The following GBE1 variants were observed in gnomAD, a reference collection of about 807,000 sequenced individuals.
The protein encoded by GBE1 is 1,4-alpha-glucan-branching enzyme.
GBE1 carries 70 observed loss-of-function variants against 88.8 expected under a neutral mutation model. The ratio of observed to expected loss-of-function variants is 0.79; its 90% CI spans 0.65 to 0.96. GBE1 has a LOEUF of 0.96. GBE1 is among the 40% of genes least tolerant of loss of function. The pLI is 0.00. For missense variants in GBE1, 872 were observed against 871.0 expected (o/e 1.00, Z -0.01); for synonymous variants, 284 against 300.1 (o/e 0.95, Z 0.56).
rs552984569 is a variant in GBE1, at chr3:81,499,845, G to A, written c.1935-618C>T. Among the ~76,000 whole-genome samples the A allele has an allele frequency of 3.2e-4, 49 of 152,206 alleles. 3 individuals are homozygous for A. In the South Asian group the frequency reaches 7.5e-3, roughly 23 times the overall value. Reference sequence around the variant, plus strand: ...GCATATTACAGCAAAATTAATAAAAGCTATCATTATGTTCAAATTTATTAG... The same window carrying A: ...GCATATTACAGCAAAATTAATAAAAACTATCATTATGTTCAAATTTATTAG... On this transcript the variant is annotated intron_variant, in intron 14 of 15. Transcript: ENST00000429644.
chr3:81,555,202 T>G (rs1703330950), intron 12 of GBE1, among the ~76,000 whole-genome samples: 1 of 152,194 alleles, frequency 6.6e-6, no homozygotes, highest in Non-Finnish European at 1.5e-5. Context: ...AAGTTATGAA[T>G]TGGGCTATCA....
intron 2 of GBE1, among the ~76,000 whole-genome samples, chr3:81,677,306 G>A (rs1705275094): frequency 6.6e-6 from 1 of 152,080 alleles, no homozygotes; most frequent in Admixed American, 6.6e-5. Context: ...AATAGGCGAG[G>A]CTAATATACA....
rs1429131560 is a variant in GBE1, at chr3:81,698,267, C to T, written c.313+7177G>A. ...AAGAGGGAGTAATAAAGTACACACA[C>T]ACACAAAACAGTAAACATGTTATTT... On this transcript the variant is annotated intron_variant, in intron 2 of 15. Coordinates refer to ENST00000429644, the MANE Select transcript of GBE1 (RefSeq NM_000158.4). 2.0e-5 allele frequency among the ~76,000 whole-genome samples: 3 copies of T among 151,818 alleles called. No homozygotes were observed. The South Asian group carries it at 6.2e-4, about 31-fold the overall frequency.
intron 15 of GBE1, among the ~76,000 whole-genome samples, chr3:81,490,976 G>C (rs1205601361): frequency 6.6e-6 from 1 of 151,836 alleles, no homozygotes; most frequent in African/African-American, 2.4e-5. Context: ...CTAGGATTCA[G>C]ATTCTCTCCA....
At chr3:81,555,873 G>A (rs922421684) in intron 12 of GBE1, among the ~76,000 whole-genome samples, 24 of 152,012 alleles carry the variant, frequency 1.6e-4, no homozygotes, top group African/African-American at 5.3e-4. Context: ...ATTTCCTAAC[G>A]TCCCTTTATG....
intron 7 of GBE1, among the ~76,000 whole-genome samples, chr3:81,624,760 T>A (rs920524749): frequency 1.1e-4 from 17 of 152,026 alleles, no homozygotes; most frequent in African/African-American, 3.6e-4. Flanking sequence ...ACACACACAA[T>A]ACAAGAAGCA....
chr3:81,660,819 C>T (rs1309403420), intron 3 of GBE1, among the ~76,000 whole-genome samples: 1 of 151,690 alleles, frequency 6.6e-6, no homozygotes, highest in Non-Finnish European at 1.5e-5. Context: ...ATAAAAGAAC[C>T]CAGCTTAAAT....
At chr3:81,663,570 A>C (rs928868911) in intron 3 of GBE1, among the ~76,000 whole-genome samples, 1 of 152,200 alleles carries the variant, frequency 6.6e-6, no homozygotes, top group Admixed American at 6.5e-5. Context: ...CTCCAAGCCC[A>C]GATGTGATCC....
At chr3:81,761,317 A>G (rs947847174) in intron 1 of GBE1, 58 bp downstream of exon 1, 5 of 1,547,534 alleles carry the variant, frequency 3.2e-6, no homozygotes, top group Admixed American at 1.8e-5. Context: ...GTGTCCCGAG[A>G]CGGCTCCTGG....
chr3:81,584,130 G>A (rs1480141555), intron 10 of GBE1, among the ~76,000 whole-genome samples: 9 of 151,794 alleles, frequency 5.9e-5, no homozygotes, highest in Admixed American at 5.9e-4. Flanking sequence ...TAAAATGAAA[G>A]GAAATACAGC....
intron 5 of GBE1, among the ~76,000 whole-genome samples, chr3:81,647,415 GTAAA>G (rs1235064241): frequency 2.0e-5 from 3 of 151,978 alleles, no homozygotes; most frequent in Non-Finnish European, 4.4e-5. Flanking sequence ...TGCTCTAACA[GTAAA>G]TAAAGTGACT....
At chr3:81,654,577 G>A (rs1373783880) in intron 3 of GBE1, 2 of 152,062 alleles carry the variant, frequency 1.3e-5, no homozygotes, top group Non-Finnish European at 2.9e-5. Flanking sequence ...CACAGTTATT[G>A]AATCATATAA....
chr3:81,494,877 T>G (rs889247408), intron 15 of GBE1, among the ~76,000 whole-genome samples: 6 of 152,184 alleles, frequency 3.9e-5, no homozygotes, highest in Non-Finnish European at 5.9e-5. Context: ...TCAGGCAAAA[T>G]GTTATTTTCC....
chr3:81,602,335 T>G (rs1704044438), intron 7 of GBE1, among the ~76,000 whole-genome samples: 1 of 152,196 alleles, frequency 6.6e-6, no homozygotes. Flanking sequence ...GTCAACAAAA[T>G]CAGATTTTGT....
At chr3:81,750,659 G>GTGTATA (rs61309629) in intron 1 of GBE1, among the ~76,000 whole-genome samples, 13 of 35,300 alleles carry the variant, frequency 3.7e-4, no homozygotes, top group East Asian at 2.5e-3. Flanking sequence ...ATATATATAT[G>GTGTATA]TATATATATA....
chr3:81,703,706 T>A (rs941700761), intron 2 of GBE1, among the ~76,000 whole-genome samples: 2 of 152,028 alleles, frequency 1.3e-5, no homozygotes, highest in Non-Finnish European at 2.9e-5. Context: ...GCACATCTAC[T>A]GATTCAACCA....
chr3:81,608,151 G>A (rs116475284), intron 7 of GBE1, among the ~76,000 whole-genome samples: 3 of 152,164 alleles, frequency 2.0e-5, no homozygotes. Flanking sequence ...AACTATCAAG[G>A]GTTTTCTGGG....
At chr3:81,547,470 A>G (rs1385819657) in intron 12 of GBE1, among the ~76,000 whole-genome samples, 1 of 151,426 alleles carries the variant, frequency 6.6e-6, no homozygotes, top group African/African-American at 2.4e-5. Flanking sequence ...CAAAGGGGAA[A>G]TTCGATAATT....
At chr3:81,666,035 T>A (rs1307936481) in intron 3 of GBE1, among the ~76,000 whole-genome samples, 2 of 152,098 alleles carry the variant, frequency 1.3e-5, no homozygotes, top group African/African-American at 4.8e-5. Flanking sequence ...CTTGTAGACA[T>A]CACTCTTATT....
Sources: gnomAD v4.1 joint callset for allele counts (sites outside exome capture counted in the v4.1 genomes callset) on GRCh38, gnomAD v4.1.1 for gene constraint, MANE v1.5 for transcripts, NCBI Gene and HGNC (gene_info 2026-07-23, HGNC 2026-07-21) for gene names.